Variants in MLXIP observed in about 807,000 individuals in gnomAD.
The protein encoded by MLXIP is MLX-interacting protein.
A neutral mutation model predicts 87.2 loss-of-function variants in MLXIP; 30 were observed. The observed-to-expected ratio is 0.34, with a 90% CI of 0.26 to 0.47. The LOEUF (loss-of-function observed/expected upper bound fraction) is 0.47. MLXIP is among the 20% of genes least tolerant of loss of function. The pLI, the probability that MLXIP is intolerant of heterozygous loss-of-function variation, is 1.00. For synonymous variants in MLXIP, 530 were observed against 514.0 expected, an observed-to-expected ratio of 1.03 and a Z score of -0.42; for missense variants, 1,002 against 1,240.1, an observed-to-expected ratio of 0.81 and a Z score of 2.88.
At position 122,133,959 on chromosome 12, in the gene MLXIP, G is replaced by A; in HGVS notation, c.1704G>A (p.Leu568=). 1 of 1,604,128 alleles carries A rather than the reference G, an allele frequency of 6.2e-7. No homozygotes were observed. The highest frequency in any genetic ancestry group is 8.5e-7 in the Non-Finnish European group (1 of 1,174,918). Residue 568 remains leucine, a synonymous_variant, in exon 9 of 17, where the codon TTG becomes TTA. Transcript: ENST00000319080. The surrounding 1 kb of genome is among the most constrained non-coding windows in gnomAD (Gnocchi z 4.9). ...VPAPKPEPVS[L]VLKNARIAPA... ...CTCCCAAACCAGAGCCCGTGTCCTT[G>A]GTGTTGAAGAATGCCCGTATCGCCC...
At position 122,130,901 on chromosome 12, in the gene MLXIP, T is replaced by A; in HGVS notation, c.968T>A (p.Leu323Gln). The A allele has an allele frequency of 1.2e-6, 2 of 1,613,740 alleles. No individual in the cohort carries two copies. Among genetic ancestry groups the A allele is most frequent in the Non-Finnish European group, 1.7e-6 (2 of 1,179,666 alleles). ...GGACTGATTCCTTTGCAGCCTAACC[T>A]GGACTTCATGGACACCTTTGAGCCT... ...QPGLIPLQPN[L>Q]DFMDTFEPFQ... is the part of the protein sequence containing the mutation. Residue 323 changes from leucine to glutamine, a missense_variant, in exon 7 of 17, where the codon CTG (leucine) becomes CAG (glutamine). By Grantham distance (113) the Leu-to-Gln change is moderately radical (BLOSUM62 -2). Coordinates refer to ENST00000319080, the MANE Select transcript of MLXIP (RefSeq NM_014938.6).
Position 122,142,454 on chromosome 12 carries a change from G to T in MLXIP, c.*642G>T. ...GAAACGGTGGATGTGGAACACACAGGACCAGAATGGAAGCGTGTGATGCAC... is the reference window on the plus strand; with the variant it reads ...GAAACGGTGGATGTGGAACACACAGTACCAGAATGGAAGCGTGTGATGCAC... On this transcript the variant is annotated 3_prime_UTR_variant, in exon 17 of 17. Transcript: ENST00000319080. 1 of 394,560 alleles carries T rather than the reference G, an allele frequency of 2.5e-6. No individual in the cohort carries two copies. The highest frequency in any genetic ancestry group is 5.0e-6 in the Non-Finnish European group (1 of 198,700). The allele number at this position is 394,560 out of a possible 1,614,324, so 24.4% of individuals were successfully genotyped here.
chr12:122,142,012 G>A lies in MLXIP; in HGVS notation c.*200G>A, dbSNP rs1953215878. 1 of 746,892 alleles carries A rather than the reference G, an allele frequency of 1.3e-6. No homozygotes were observed. Among genetic ancestry groups the A allele is most frequent in the Non-Finnish European group, 2.2e-6 (1 of 459,440 alleles). 46.3% of individuals were successfully genotyped at this position (746,892 alleles called of 1,614,324 possible). On this transcript the variant is annotated 3_prime_UTR_variant, in exon 17 of 17. Coordinates refer to ENST00000319080, the MANE Select transcript of MLXIP (RefSeq NM_014938.6). ...GCTGACAGCAATAGCCCGCCTTTGG[G>A]AACCCCTTGCTGTGAACTCTCTCAC...
At chr12:122,081,876 T>G (rs1478068036) in intron 1 of MLXIP, among the ~76,000 whole-genome samples, 1 of 152,202 alleles carries the variant, frequency 6.6e-6, no homozygotes, top group East Asian at 1.9e-4. Context: ...ACTTCCTGTC[T>G]GTCCTCTGGC....
intron 1 of MLXIP, among the ~76,000 whole-genome samples, chr12:122,123,279 G>A (rs1159890291): frequency 1.3e-5 from 2 of 152,162 alleles, no homozygotes; most frequent in East Asian, 3.8e-4. Context: ...ATTGCCTTGG[G>A]GGCGGGCTGG....
intron 3 of MLXIP, 89 bp from the exon 4 acceptor site, chr12:122,129,048 G>A: frequency 9.1e-7 from 1 of 1,099,378 alleles, no homozygotes; most frequent in Non-Finnish European, 1.4e-6. Context: ...CCTAAGGCCT[G>A]ATTATAGTGC....
rs1953274811 is a variant in MLXIP at position 122,144,992 on chromosome 12, A to C, written c.*3180A>C. On this transcript the variant is annotated 3_prime_UTR_variant, in exon 17 of 17. Coordinates refer to ENST00000319080, the MANE Select transcript of MLXIP (RefSeq NM_014938.6). ...TTCTGATAAATTGCCCTGTGCTGTC[A>C]GCCCCTGCACTGCACTGCTGCCTTC... 1 of 152,228 alleles carries C rather than the reference A, an allele frequency of 6.6e-6. No homozygotes were observed. Among genetic ancestry groups the C allele is most frequent in the African/African-American group, 2.4e-5 (1 of 41,462 alleles). The allele number at this position is 152,228 out of a possible 1,614,324, so 9.4% of individuals were successfully genotyped here. A position where few individuals can be genotyped will look rare whatever the true frequency, so the allele number is the denominator to read the frequency against.
chr12:122,108,779 C>CT (rs1292756091), intron 1 of MLXIP, among the ~76,000 whole-genome samples: 1 of 152,122 alleles, frequency 6.6e-6, no homozygotes, highest in Admixed American at 6.6e-5. Flanking sequence ...CCATCACTGT[C>CT]TAGGCAGACT....
chr12:122,144,415 C>T lies in MLXIP; in HGVS notation c.*2603C>T, dbSNP rs1593126679. The T allele has an allele frequency of 2.8e-5, 3 of 107,122 alleles. No individual in the cohort carries two copies. Among genetic ancestry groups the T allele is most frequent in the African/African-American group, 1.1e-4 (3 of 26,636 alleles). The allele number at this position is 107,122 out of a possible 1,614,324, so 6.6% of individuals were successfully genotyped here. ...CTGGCAACATAACAAGACCCTGTCT[C>T]TACAAAAAAAAAAAAAAAAAAAAAA... is the stretch of plus-strand genomic sequence containing the variant. On this transcript the variant is annotated 3_prime_UTR_variant, in exon 17 of 17. Coordinates refer to ENST00000319080, the MANE Select transcript of MLXIP (RefSeq NM_014938.6).
intron 1 of MLXIP, among the ~76,000 whole-genome samples, chr12:122,094,217 GGT>G (rs1258697158): frequency 0.018 from 2,428 of 132,306 alleles, 76 homozygotes; most frequent in African/African-American, 0.064. Flanking sequence ...GGAGTGTGTG[GGT>G]GTGTGTATGT....
chr12:122,113,834 G>A (rs1472238626), intron 1 of MLXIP, among the ~76,000 whole-genome samples: 2 of 151,776 alleles, frequency 1.3e-5, no homozygotes, highest in Non-Finnish European at 2.9e-5. Context: ...ACAGGCACCC[G>A]CCAGCATGCC....
intron 1 of MLXIP, among the ~76,000 whole-genome samples, chr12:122,113,809 C>T (rs757089727): frequency 1.0e-3 from 156 of 149,556 alleles, no homozygotes; most frequent in Non-Finnish European, 1.7e-3. Flanking sequence ...GTCAGCCTCC[C>T]GAGGAGCTGG....
In MLXIP at chr12:122,135,146, GCA is replaced by G; in HGVS notation, c.1733-77_1733-76del. 1 of 1,551,506 alleles carries G rather than the reference GCA, an allele frequency of 6.4e-7. No individual in the cohort carries two copies. Among genetic ancestry groups the G allele is most frequent in the Non-Finnish European group, 8.8e-7 (1 of 1,140,090 alleles). ...GGGTTGAGAACAAGCTGTCTCACTG[GCA>G]GAGAGGCAGCCTCTGCAGGGTGGGC... is the stretch of plus-strand genomic sequence containing the variant. On this transcript the variant is annotated intron_variant, in intron 9 of 16. Coordinates refer to ENST00000319080, the MANE Select transcript of MLXIP (RefSeq NM_014938.6). The surrounding 1 kb of genome is among the most constrained non-coding windows in gnomAD (Gnocchi z 5.3).
chr12:122,106,717 G>T (rs897045868), intron 1 of MLXIP, among the ~76,000 whole-genome samples: 5 of 147,022 alleles, frequency 3.4e-5, no homozygotes, highest in Admixed American at 1.4e-4. Flanking sequence ...TCCTCCTGCC[G>T]TAGCCTCCTG....
Position 122,102,356 on chromosome 12 carries a change from C to T in MLXIP, c.413+23090C>T, listed in dbSNP as rs138888567. On this transcript the variant is annotated intron_variant, in intron 1 of 16. Transcript: ENST00000319080. Reference sequence around the variant, plus strand: ...TGAAAAGATGTTTAATACCATTAATCGTTAGGGAAATGCGCTCAAAACCAC... The same window carrying T: ...TGAAAAGATGTTTAATACCATTAATTGTTAGGGAAATGCGCTCAAAACCAC... Among the ~76,000 whole-genome samples the T allele has an allele frequency of 1.3e-3, 202 of 152,216 alleles. 1 individual carries two copies. The highest frequency in any genetic ancestry group is 6.8e-3 in the Middle Eastern group (2 of 294).
At position 122,137,387 on chromosome 12, in the gene MLXIP, A is replaced by G. The variant is rs1217170682; in HGVS notation, c.2033-82A>G. On this transcript the variant is annotated intron_variant, in intron 11 of 16. Transcript: ENST00000319080. The surrounding 1 kb of genome is among the most constrained non-coding windows in gnomAD (Gnocchi z 4.1). The stretch of plus-strand genomic sequence containing the variant: ...ACGTGGCTAGCAGCGAGCACCTCAT[A>G]ACCCTGCAGAGACCCCAGGCTGCCT... 6.6e-7 allele frequency: 1 copy of G among 1,510,514 alleles called. No individual in the cohort carries two copies. The highest frequency in any genetic ancestry group is 2.3e-5 in the East Asian group (1 of 43,058). The allele number at this position is 1,510,514 out of a possible 1,614,324, so 93.6% of individuals were successfully genotyped here.
chr12:122,132,741 C>A, intron 8 of MLXIP: 1 of 204,402 alleles, frequency 4.9e-6, no homozygotes. Context: ...TTTTACTAAG[C>A]AATCCAAAAA....
Position 122,144,962 on chromosome 12 carries a change from C to T in MLXIP, c.*3150C>T, listed in dbSNP as rs1032622055. 5.3e-5 allele frequency: 8 copies of T among 152,204 alleles called. No homozygotes were observed. Among genetic ancestry groups the T allele is most frequent in the Admixed American group, 2.6e-4 (4 of 15,280 alleles). The allele number at this position is 152,204 out of a possible 1,614,324, so 9.4% of individuals were successfully genotyped here. A position where few individuals can be genotyped will look rare whatever the true frequency, so the allele number is the denominator to read the frequency against. On this transcript the variant is annotated 3_prime_UTR_variant, in exon 17 of 17. Coordinates refer to ENST00000319080, the MANE Select transcript of MLXIP (RefSeq NM_014938.6). ...GCCTGCTGGCGTATAAATCCCTGGG[C>T]GGGTTTCTGATAAATTGCCCTGTGC...
chr12:122,086,833 G>T (rs1952174657), intron 1 of MLXIP, among the ~76,000 whole-genome samples: 1 of 152,156 alleles, frequency 6.6e-6, no homozygotes, highest in Non-Finnish European at 1.5e-5. Flanking sequence ...CCGCGGGGGA[G>T]ATGCTCTTCT....
Sources: gnomAD v4.1 joint callset for allele counts (sites outside exome capture counted in the v4.1 genomes callset) on GRCh38, gnomAD v4.1.1 for gene constraint, Gnocchi (gnomAD v3.1) non-coding constraint, MANE v1.5 for transcripts, NCBI Gene and HGNC (gene_info 2026-07-23, HGNC 2026-07-21) for gene names.